The following RAB38 variants were observed in gnomAD, a reference collection of about 807,000 sequenced individuals.
RAB38 encodes RAB38, member RAS oncogene family.
RAB38 carries 15 observed loss-of-function variants against 18.4 expected under a neutral mutation model. That is an observed-to-expected ratio of 0.82 (90% CI 0.55 to 1.26). RAB38 has a LOEUF of 1.26. RAB38 is among the 50% of genes most tolerant of loss of function. The pLI, the probability that RAB38 is intolerant of heterozygous loss-of-function variation, is 0.00. For missense variants in RAB38, 294 were observed against 267.4 expected, an observed-to-expected ratio of 1.10 and a Z score of -0.69; for synonymous variants, 101 against 104.4, an observed-to-expected ratio of 0.97 and a Z score of 0.20.
chr11:88,028,376 A>G, the RAB38 span, among the ~76,000 whole-genome samples: 2 of 152,222 alleles, frequency 1.3e-5, no homozygotes, highest in Non-Finnish European at 2.9e-5. Context: ...AAAGCTGGAA[A>G]GAGAATGACT....
chr11:87,964,580 G>A, the RAB38 span, among the ~76,000 whole-genome samples: 3 of 152,010 alleles, frequency 2.0e-5, no homozygotes, highest in East Asian at 1.9e-4. Flanking sequence ...ATAAATAGAC[G>A]ATGGGAGAAG....
intron 1 of RAB38, among the ~76,000 whole-genome samples, chr11:88,157,364 T>C (rs752618006): frequency 3.7e-4 from 56 of 152,194 alleles, no homozygotes; most frequent in Non-Finnish European, 6.0e-4. Flanking sequence ...TCTAGACCTC[T>C]GAAAAGACAG....
the RAB38 span, among the ~76,000 whole-genome samples, chr11:87,951,952 C>T: frequency 0.093 from 14,130 of 152,274 alleles, 815 homozygotes; most frequent in East Asian, 0.15. Flanking sequence ...AATCACCTGT[C>T]TTCTGTGTTG....
chr11:88,149,726 G>A lies in RAB38; in HGVS notation c.432C>T (p.Asp144=), dbSNP rs1167936656. The A allele has an allele frequency of 3.1e-6, 5 of 1,614,126 alleles. No individual in the cohort carries two copies. Among genetic ancestry groups the A allele is most frequent in the Non-Finnish European group, 4.2e-6 (5 of 1,180,018 alleles). ...CGAAACCGTGCTCCTTGCAGAACTGGTCCATCTTGAGGCCATTGTTCATGA... is the reference window on the plus strand; with the variant it reads ...CGAAACCGTGCTCCTTGCAGAACTGATCCATCTTGAGGCCATTGTTCATGA... The part of the protein sequence containing the change: ...DVLMNNGLKM[D]QFCKEHGFVG... Residue 144 remains aspartate, a synonymous_variant, in exon 2 of 3, where the codon GAC becomes GAT. Coordinates refer to ENST00000243662, the MANE Select transcript of RAB38 (RefSeq NM_022337.3).
chr11:88,093,198 C>T, the RAB38 span, among the ~76,000 whole-genome samples: 2 of 151,888 alleles, frequency 1.3e-5, no homozygotes, highest in Non-Finnish European at 2.9e-5. Context: ...TCACACTAGG[C>T]AACTTCACAG....
At chr11:87,861,710 A>G in the RAB38 span, among the ~76,000 whole-genome samples, 2 of 151,876 alleles carry the variant, frequency 1.3e-5, no homozygotes, top group Non-Finnish European at 2.9e-5. Context: ...GCTGCTGCTT[A>G]TTCCTTTCAT....
chr11:87,952,954 A>T, the RAB38 span, among the ~76,000 whole-genome samples: 1 of 151,222 alleles, frequency 6.6e-6, no homozygotes, highest in Non-Finnish European at 1.5e-5. Flanking sequence ...CATGTTTTAA[A>T]TGTTTTTAAT....
At chr11:87,958,807 A>G in the RAB38 span, among the ~76,000 whole-genome samples, 2 of 152,190 alleles carry the variant, frequency 1.3e-5, no homozygotes, top group African/African-American at 4.8e-5. Flanking sequence ...TTTCTGCTCC[A>G]CCAGAGTAAG....
At chr11:87,929,405 T>C in the RAB38 span, among the ~76,000 whole-genome samples, 1 of 152,140 alleles carries the variant, frequency 6.6e-6, no homozygotes, top group Non-Finnish European at 1.5e-5. Flanking sequence ...TTCATTCTTA[T>C]TAAAGGTTTC....
chr11:87,819,143 G>C, the RAB38 span, among the ~76,000 whole-genome samples: 33 of 152,186 alleles, frequency 2.2e-4, no homozygotes, highest in Admixed American at 2.2e-3. Flanking sequence ...CCCACTTCAA[G>C]TGACAGCTCA....
chr11:87,967,163 C>T, the RAB38 span, among the ~76,000 whole-genome samples: 1 of 152,288 alleles, frequency 6.6e-6, no homozygotes, highest in Admixed American at 6.5e-5. Context: ...TATATTTCCA[C>T]CTTTATTTGT....
the RAB38 span, among the ~76,000 whole-genome samples, chr11:87,934,123 A>C: frequency 2.6e-5 from 4 of 152,140 alleles, no homozygotes; most frequent in Non-Finnish European, 5.9e-5. Context: ...GAAGCACTTC[A>C]GTATAATCAG....
chr11:87,960,717 ATAAAG>A, the RAB38 span, among the ~76,000 whole-genome samples: 2 of 152,320 alleles, frequency 1.3e-5, no homozygotes, highest in African/African-American at 4.8e-5. Flanking sequence ...TGATATTTTT[ATAAAG>A]TAAACACTGT....
chr11:88,014,123 G>A, the RAB38 span, among the ~76,000 whole-genome samples: 1 of 152,098 alleles, frequency 6.6e-6, no homozygotes, highest in African/African-American at 2.4e-5. Flanking sequence ...AACTTTAGTA[G>A]GAGAAATAAA....
At chr11:88,046,596 T>C in the RAB38 span, among the ~76,000 whole-genome samples, 183 of 152,148 alleles carry the variant, frequency 1.2e-3, no homozygotes, top group Non-Finnish European at 1.9e-3. Flanking sequence ...CCAAATTTCT[T>C]CCTCATCTGT....
the RAB38 span, among the ~76,000 whole-genome samples, chr11:87,878,298 CTACCTATCATCTATCTATCATCTATCAAT>C: frequency 1.1e-4 from 16 of 143,060 alleles, no homozygotes; most frequent in Admixed American, 2.2e-4. Flanking sequence ...ATCTATCTAT[CTACCTATCATCTATCTATCATCTATCAAT>C]CTATCATCTA....
At chr11:87,898,875 C>T in the RAB38 span, among the ~76,000 whole-genome samples, 2 of 151,672 alleles carry the variant, frequency 1.3e-5, no homozygotes, top group Admixed American at 1.3e-4. Context: ...ACTAGGATTC[C>T]CCCATGTAGG....
the RAB38 span, among the ~76,000 whole-genome samples, chr11:87,899,008 A>C: frequency 6.6e-6 from 1 of 151,766 alleles, no homozygotes; most frequent in East Asian, 2.0e-4. Flanking sequence ...TGTCAACAAC[A>C]CTTAGGCAGG....
the RAB38 span, among the ~76,000 whole-genome samples, chr11:87,858,720 G>C: frequency 3.8e-4 from 58 of 152,080 alleles, no homozygotes; most frequent in South Asian, 0.012. Context: ...AAAGAAAACA[G>C]GAAATGATGG....
Sources: allele counts gnomAD v4.1 joint callset (sites outside exome capture counted in the v4.1 genomes callset), GRCh38; gene constraint gnomAD v4.1.1; transcripts MANE v1.5; gene names NCBI Gene and HGNC (gene_info 2026-07-23, HGNC 2026-07-21).